Variants in CSTPP1 observed in about 807,000 individuals in gnomAD.
The protein encoded by CSTPP1 is UPF0705 protein C11orf49.
chr11:47,108,127 A>G, the CSTPP1 span, among the ~76,000 whole-genome samples: 2 of 152,274 alleles, frequency 1.3e-5, no homozygotes, highest in Non-Finnish European at 2.9e-5. Context: ...CAAACCCAGT[A>G]TGAATAATTA....
the CSTPP1 span, among the ~76,000 whole-genome samples, chr11:46,937,829 G>T: frequency 6.7e-6 from 1 of 149,604 alleles, no homozygotes; most frequent in African/African-American, 2.5e-5. Flanking sequence ...GAGCCACCGC[G>T]CCCGGCCACA....
the CSTPP1 span, among the ~76,000 whole-genome samples, chr11:46,975,903 T>A: frequency 6.6e-6 from 1 of 152,108 alleles, no homozygotes; most frequent in Non-Finnish European, 1.5e-5. Context: ...ACAGAATCTG[T>A]GGGACGATGT....
the CSTPP1 span, among the ~76,000 whole-genome samples, chr11:46,970,394 T>TATA: frequency 6.6e-6 from 1 of 150,430 alleles, no homozygotes; most frequent in African/African-American, 2.4e-5. Flanking sequence ...CCTAAAACTT[T>TATA]ATAATAATAA....
chr11:46,982,630 AG>A, the CSTPP1 span, among the ~76,000 whole-genome samples: 1 of 152,178 alleles, frequency 6.6e-6, no homozygotes, highest in Non-Finnish European at 1.5e-5. Flanking sequence ...CATATAAATT[AG>A]GGCCTGCTGA....
At chr11:47,103,628 G>C in the CSTPP1 span, 1 of 151,702 alleles carries the variant, frequency 6.6e-6, no homozygotes. Context: ...AATTTGGAAG[G>C]GACCTGTGTT....
chr11:47,163,205 G>A, the CSTPP1 span, among the ~76,000 whole-genome samples: 44,107 of 149,730 alleles, frequency 0.29, 7,822 homozygotes, highest in African/African-American at 0.5. Flanking sequence ...CTCAGGCTGC[G>A]TGATGAGCTC....
chr11:47,068,589 A>G, the CSTPP1 span, among the ~76,000 whole-genome samples: 2 of 152,092 alleles, frequency 1.3e-5, no homozygotes, highest in Non-Finnish European at 2.9e-5. Flanking sequence ...TATCTACACA[A>G]TATTTTTGGC....
chr11:47,102,868 A>G, the CSTPP1 span, among the ~76,000 whole-genome samples: 1 of 152,214 alleles, frequency 6.6e-6, no homozygotes, highest in Non-Finnish European at 1.5e-5. Flanking sequence ...TGTTAGAACC[A>G]ATACTTTGCA....
the CSTPP1 span, chr11:47,137,785 A>G: frequency 2.6e-6 from 4 of 1,537,908 alleles, no homozygotes; most frequent in Admixed American, 6.7e-5. Flanking sequence ...ACTGCTTCCT[A>G]GAGAAACCTG....
chr11:47,117,566 T>C, the CSTPP1 span, among the ~76,000 whole-genome samples: 1 of 152,190 alleles, frequency 6.6e-6, no homozygotes, highest in Non-Finnish European at 1.5e-5. Context: ...CTTAACACTT[T>C]TTCCTTCATT....
chr11:47,067,740 C>T, the CSTPP1 span, among the ~76,000 whole-genome samples: 2 of 152,238 alleles, frequency 1.3e-5, no homozygotes, highest in African/African-American at 4.8e-5. Flanking sequence ...TTAATTTCTG[C>T]TGTTTAAGTC....
chr11:47,060,305 C>A, the CSTPP1 span, among the ~76,000 whole-genome samples: 1 of 144,216 alleles, frequency 6.9e-6, no homozygotes, highest in African/African-American at 2.6e-5. Context: ...CACTCTGTTG[C>A]CCACTCACTG....
the CSTPP1 span, chr11:47,155,099 C>T: frequency 1.0e-6 from 1 of 965,926 alleles, no homozygotes; most frequent in South Asian, 1.3e-5. Flanking sequence ...CTTTTCCCTT[C>T]CTCCCTCTCC....
chr11:47,046,492 A>G, the CSTPP1 span, among the ~76,000 whole-genome samples: 1 of 152,032 alleles, frequency 6.6e-6, no homozygotes, highest in African/African-American at 2.4e-5. Flanking sequence ...AGACTTGCAC[A>G]CTGAAAACTA....
chr11:47,155,041 G>A, the CSTPP1 span: 1 of 768,248 alleles, frequency 1.3e-6, no homozygotes, highest in Non-Finnish European at 2.3e-6. Flanking sequence ...GCTGCCCCAG[G>A]GGAGACTGGC....
chr11:47,113,798 G>T, the CSTPP1 span, among the ~76,000 whole-genome samples: 18 of 152,006 alleles, frequency 1.2e-4, no homozygotes, highest in African/African-American at 4.1e-4. Context: ...TCTTTAGGTT[G>T]CCTGTTCACT....
the CSTPP1 span, among the ~76,000 whole-genome samples, chr11:47,019,385 G>A: frequency 6.6e-6 from 1 of 152,286 alleles, no homozygotes; most frequent in East Asian, 1.9e-4. Context: ...TGTGTAAGAG[G>A]CCTAGCTTTC....
the CSTPP1 span, chr11:47,157,661 T>A: frequency 1.4e-4 from 59 of 431,504 alleles, no homozygotes; most frequent in South Asian, 1.1e-3. Flanking sequence ...CAGCCCCTCC[T>A]GACCATAGTG....
At chr11:47,040,883 T>C in the CSTPP1 span, 1 of 129,144 alleles carries the variant, frequency 7.7e-6, no homozygotes, top group Non-Finnish European at 1.8e-5. Context: ...CAGGTGCATC[T>C]ACCATACACC....
Sources: gnomAD v4.1 joint callset for allele counts (sites outside exome capture counted in the v4.1 genomes callset) on GRCh38, gnomAD v4.1.1 for gene constraint, MANE v1.5 for transcripts, NCBI Gene and HGNC (gene_info 2026-07-23, HGNC 2026-07-21) for gene names.